COL6A6: variants seen among roughly 807,000 people sequenced by gnomAD.
The protein encoded by COL6A6 is collagen type VI alpha 6 chain, also known as collagen alpha-6(VI) chain.
In COL6A6, 183 loss-of-function variants were observed where a neutral mutation model predicts 208.6. That is an observed-to-expected ratio of 0.88 (90% confidence interval 0.78 to 0.99). The LOEUF (loss-of-function observed/expected upper bound fraction) is 0.99. Among genes scored for constraint, COL6A6 ranks in the 50% least tolerant of loss-of-function variants. The pLI, the probability that COL6A6 is intolerant of heterozygous loss-of-function variation, is 0.00. For synonymous variants in COL6A6, 973 were observed against 1,011.8 expected (o/e 0.96, Z 0.73); for missense variants, 2,816 against 2,815.2 (o/e 1.00, Z -0.01).
At chr3:130,674,454 A>G (rs2066310021) in intron 36 of COL6A6, among the ~76,000 whole-genome samples, 1 of 151,878 alleles carries the variant, frequency 6.6e-6, no homozygotes, top group African/African-American at 2.4e-5. Context: ...GCTCCTCTTT[A>G]CTGTTGGGTT....
intron 36 of COL6A6, 144 bp from the exon 37 acceptor site, chr3:130,675,057 AC>A (rs2066324858): frequency 3.7e-6 from 2 of 535,088 alleles, no homozygotes; most frequent in Non-Finnish European, 6.5e-6. Flanking sequence ...CAGTTTAAGT[AC>A]CCAGTTTAAT....
chr3:130,564,956 C>T (rs752793791), intron 3 of COL6A6, 38 bp from the exon 4 acceptor site: 7 of 1,593,562 alleles, frequency 4.4e-6, no homozygotes, highest in Non-Finnish European at 6.0e-6. Context: ...TGCTGAACCA[C>T]CAGCTAAAAT....
intron 18 of COL6A6, among the ~76,000 whole-genome samples, chr3:130,594,580 G>A (rs186344838): frequency 6.6e-6 from 1 of 152,178 alleles, no homozygotes; most frequent in Non-Finnish European, 1.5e-5. Context: ...TACATACTCA[G>A]AATTGTTTTT....
chr3:130,563,687 G>T, intron 3 of COL6A6, 23 bp downstream of exon 3: 2 of 1,469,376 alleles, frequency 1.4e-6, no homozygotes, highest in Non-Finnish European at 1.9e-6. Context: ...TATGTGTATA[G>T]GAATGATGAT....
chr3:130,675,549 A>G lies in COL6A6; in HGVS notation c.*152A>G, dbSNP rs2108506665. 1.9e-6 allele frequency: 1 copy of G among 536,988 alleles called. No individual in the cohort carries two copies. The highest frequency in any genetic ancestry group is 3.9e-5 in the South Asian group (1 of 25,820). The allele number at this position is 536,988 out of a possible 1,614,324, so 33.3% of individuals were successfully genotyped here. A position where few individuals can be genotyped will look rare whatever the true frequency, so the allele number is the denominator to read the frequency against. On this transcript the variant is annotated 3_prime_UTR_variant, in exon 37 of 37. Transcript: ENST00000358511. Reference sequence around the variant, plus strand: ...ATTGGTATTAAGATATATCTTGTTCATTTATTTGACCACTCCTGACAATTC... The same window carrying G: ...ATTGGTATTAAGATATATCTTGTTCGTTTATTTGACCACTCCTGACAATTC...
intron 33 of COL6A6, among the ~76,000 whole-genome samples, chr3:130,653,861 CT>C (rs1196910467): frequency 1.3e-5 from 2 of 152,108 alleles, no homozygotes; most frequent in African/African-American, 2.4e-5. Flanking sequence ...TGCAGACCCC[CT>C]GTGGACTCTC....
In COL6A6 at chr3:130,570,847, G is replaced by A. The variant is rs2063145231; in HGVS notation, c.2431G>A (p.Val811Met). The A allele has an allele frequency of 6.2e-7, 1 of 1,613,192 alleles. No homozygotes were observed. Among genetic ancestry groups the A allele is most frequent in the African/African-American group, 1.3e-5 (1 of 74,878 alleles). Reference protein sequence around the residue: ...ECKRIEVLDVVFVIDSSGSID... With the variant: ...ECKRIEVLDVMFVIDSSGSID... ...CAAGCGGATTGAAGTTTTAGACGTTGTGTTTGTCATTGATAGCTCTGGCAG... is the reference window on the plus strand; with the variant it reads ...CAAGCGGATTGAAGTTTTAGACGTTATGTTTGTCATTGATAGCTCTGGCAG... The change falls in exon 7 of 37, where the codon GTG (valine) becomes ATG (methionine). Residue 811 changes from valine (V) to methionine (M), a missense_variant. Val to Met is a conservative substitution (Grantham distance 21). Coordinates refer to ENST00000358511, the MANE Select transcript of COL6A6 (RefSeq NM_001102608.3).
chr3:130,571,528 T>C, intron 7 of COL6A6, 135 bp downstream of exon 7: 1 of 616,234 alleles, frequency 1.6e-6, no homozygotes, highest in South Asian at 2.5e-5. Context: ...GGACTTTCTA[T>C]ATTATAAAAT....
Position 130,517,956 on chromosome 3 carries a change from A to T in COL6A6, c.-32+559A>T, listed in dbSNP as rs565259825. On this transcript the variant is annotated intron_variant, in intron 1 of 36. Coordinates refer to ENST00000358511, the MANE Select transcript of COL6A6 (RefSeq NM_001102608.3). ...GCAGAGAAAATGCACCCTTTTCTCAATTCCCAGAAACATTCTACTCTGAGC... is the reference window on the plus strand; with the variant it reads ...GCAGAGAAAATGCACCCTTTTCTCATTTCCCAGAAACATTCTACTCTGAGC... Among the ~76,000 whole-genome samples, 21 of 152,354 alleles carry T rather than the reference A, an allele frequency of 1.4e-4. No homozygotes were observed. The South Asian group carries it at 4.1e-3, about 30-fold the overall frequency.
intron 23 of COL6A6, among the ~76,000 whole-genome samples, chr3:130,621,378 G>T (rs2064710550): frequency 6.6e-6 from 1 of 152,052 alleles, no homozygotes; most frequent in South Asian, 2.1e-4. Context: ...AGTTTCTTAA[G>T]CTTTCTAATA....
intron 10 of COL6A6, among the ~76,000 whole-genome samples, chr3:130,584,591 C>CT (rs1042540522): frequency 6.6e-6 from 1 of 151,868 alleles, no homozygotes; most frequent in Non-Finnish European, 1.5e-5. Flanking sequence ...TTTGTTCTTT[C>CT]TTTTTTTATT....
intron 18 of COL6A6, among the ~76,000 whole-genome samples, chr3:130,597,676 T>A (rs1402764511): frequency 6.6e-6 from 1 of 152,224 alleles, no homozygotes; most frequent in African/African-American, 2.4e-5. Context: ...AGAAAGACTT[T>A]GGTTTGGCCT....
At position 130,571,368 on chromosome 3, in the gene COL6A6, C is replaced by A; in HGVS notation, c.2952C>A (p.Ala984=). 6.3e-7 allele frequency: 1 copy of A among 1,590,898 alleles called. No homozygotes were observed. Among genetic ancestry groups the A allele is most frequent in the Non-Finnish European group, 8.5e-7 (1 of 1,170,180 alleles). Residue 984 remains alanine, a synonymous_variant, in exon 7 of 37, where the codon GCC becomes GCA. Transcript: ENST00000358511. The part of the protein sequence containing the change: ...GLKGIFSDVT[A]SVCNSSKVDC... ...AGGGAATATTTTCAGATGTGACAGC[C>A]AGTGTCTGCAACTCTTCAAAAGTAG...
At chr3:130,577,755 C>A (rs1378411417) in intron 8 of COL6A6, among the ~76,000 whole-genome samples, 2 of 152,206 alleles carry the variant, frequency 1.3e-5, no homozygotes, top group East Asian at 3.8e-4. Flanking sequence ...TCTACTTATT[C>A]TGTGTCTTAT....
intron 24 of COL6A6, among the ~76,000 whole-genome samples, chr3:130,624,519 G>A (rs1264643885): frequency 6.6e-6 from 1 of 152,166 alleles, no homozygotes; most frequent in Non-Finnish European, 1.5e-5. Context: ...ATGTAATCGG[G>A]AAATCAAAGT....
intron 1 of COL6A6, among the ~76,000 whole-genome samples, chr3:130,522,276 A>T (rs1711118072): frequency 6.6e-6 from 1 of 152,144 alleles, no homozygotes; most frequent in Admixed American, 6.5e-5. Flanking sequence ...CTGGATCCTA[A>T]ATTCTCATCG....
At chr3:130,665,888 A>G (rs1156320360) in intron 36 of COL6A6, among the ~76,000 whole-genome samples, 1 of 152,178 alleles carries the variant, frequency 6.6e-6, no homozygotes, top group Non-Finnish European at 1.5e-5. Flanking sequence ...CTCACATGTT[A>G]CTTATTAATT....
Position 130,589,291 on chromosome 3 carries a change from T to C in COL6A6, c.4218+109T>C, listed in dbSNP as rs567468981. 1.3e-4 allele frequency: 87 copies of C among 664,502 alleles called. No homozygotes were observed. In the East Asian group the frequency reaches 1.3e-3, roughly 10 times the overall value. The allele number at this position is 664,502 out of a possible 1,614,324, so 41.2% of individuals were successfully genotyped here. On this transcript the variant is annotated intron_variant, in intron 12 of 36. Transcript: ENST00000358511. Reference sequence around the variant, plus strand: ...TTTAACTTCTAAATAGAGCCTCTTATATAAGAGTTTATTATACTCCTCTTT... The same window carrying C: ...TTTAACTTCTAAATAGAGCCTCTTACATAAGAGTTTATTATACTCCTCTTT...
chr3:130,614,702 G>C (rs950367362), intron 23 of COL6A6, among the ~76,000 whole-genome samples: 3 of 152,020 alleles, frequency 2.0e-5, no homozygotes, highest in Admixed American at 6.6e-5. Flanking sequence ...TTATTGGTCT[G>C]TTCAGGGATT....
Sources: gnomAD v4.1 joint callset for allele counts (sites outside exome capture counted in the v4.1 genomes callset) on GRCh38, gnomAD v4.1.1 for gene constraint, MANE v1.5 for transcripts, NCBI Gene and HGNC (gene_info 2026-07-23, HGNC 2026-07-21) for gene names.